The following DPP6 variants were observed in gnomAD, a reference collection of about 807,000 sequenced individuals.
DPP6 encodes the protein A-type potassium channel modulatory protein DPP6.
Under a neutral mutation model 122.6 loss-of-function variants are expected in DPP6, and 69 were observed. That is an observed-to-expected ratio of 0.56 (90% CI 0.46 to 0.69). The LOEUF (loss-of-function observed/expected upper bound fraction) is 0.69. DPP6 is among the 30% of genes least tolerant of loss of function. DPP6 has a pLI of 0.00. For missense variants in DPP6, 928 were observed against 1,116.9 expected (o/e 0.83, Z 2.41); for synonymous variants, 418 against 433.1 (o/e 0.97, Z 0.43).
intron 8 of DPP6, among the ~76,000 whole-genome samples, chr7:154,754,327 T>A (rs1843552683): frequency 6.6e-6 from 1 of 152,192 alleles, no homozygotes; most frequent in Admixed American, 6.5e-5. Flanking sequence ...GGCGAAAAAA[T>A]TCTAACTTTC....
intron 1 of DPP6, among the ~76,000 whole-genome samples, chr7:154,238,212 T>A (rs1801345347): frequency 6.6e-6 from 1 of 152,226 alleles, no homozygotes; most frequent in Non-Finnish European, 1.5e-5. Flanking sequence ...TAAATAACAT[T>A]TTCATTTGCT....
chr7:154,147,476 TCC>T (rs1796157867), intron 1 of DPP6, among the ~76,000 whole-genome samples: 3 of 140,748 alleles, frequency 2.1e-5, no homozygotes, highest in African/African-American at 9.3e-5. Flanking sequence ...CTTCCTTCCT[TCC>T]TTCCTTCCTT....
intron 1 of DPP6, among the ~76,000 whole-genome samples, chr7:154,082,846 C>CATTCTT: frequency 9.4e-6 from 1 of 106,256 alleles, no homozygotes; most frequent in South Asian, 3.3e-4. Context: ...TTTTCTTTTT[C>CATTCTT]TTTTTTTTTT....
chr7:154,315,068 G>C (rs750492694), intron 1 of DPP6, among the ~76,000 whole-genome samples: 1 of 152,162 alleles, frequency 6.6e-6, no homozygotes, highest in African/African-American at 2.4e-5. Flanking sequence ...GTTATTTAAT[G>C]AGTTGCTTTT....
At chr7:154,802,799 T>C (rs549378018) in intron 13 of DPP6, among the ~76,000 whole-genome samples, 1 of 146,608 alleles carries the variant, frequency 6.8e-6, no homozygotes, top group Non-Finnish European at 1.5e-5. Context: ...ATCGTGCCAC[T>C]GCACTCCAGC....
In DPP6 at chr7:154,669,352, AT is replaced by A. The variant is rs1202046702; in HGVS notation, c.681-4del. The A allele has an allele frequency of 1.3e-6, 2 of 1,552,802 alleles. No homozygotes were observed. The highest frequency in any genetic ancestry group is 2.7e-5 in the African/African-American group (2 of 73,108). On this transcript the variant is annotated splice_region_variant and splice_polypyrimidine_tract_variant and intron_variant, in intron 6 of 25. Coordinates refer to ENST00000377770, the MANE Select transcript of DPP6 (RefSeq NM_130797.4). ...TGCTTTGTTTTTGTTTGTTTGTTCA[AT>A]TTTCAGGGATCCTCAAAGTCTGGAC...
the DPP6 span, among the ~76,000 whole-genome samples, chr7:153,812,660 C>G: frequency 2.5e-3 from 379 of 152,262 alleles, no homozygotes; most frequent in African/African-American, 8.8e-3. Context: ...AACCAGAAAG[C>G]CTGATTCAAC....
At chr7:154,737,153 A>G (rs1273400979) in intron 8 of DPP6, among the ~76,000 whole-genome samples, 4 of 152,238 alleles carry the variant, frequency 2.6e-5, no homozygotes, top group African/African-American at 9.6e-5. Flanking sequence ...GAATAGCAGT[A>G]TCTAAGTTTC....
At chr7:154,635,456 G>A (rs1157000205) in intron 5 of DPP6, among the ~76,000 whole-genome samples, 1 of 152,200 alleles carries the variant, frequency 6.6e-6, no homozygotes, top group East Asian at 1.9e-4. Flanking sequence ...GAAGTTGCTG[G>A]AAGTTTACAA....
At chr7:154,633,516 G>A (rs915092697) in intron 5 of DPP6, among the ~76,000 whole-genome samples, 20 of 152,186 alleles carry the variant, frequency 1.3e-4, no homozygotes, top group Non-Finnish European at 2.4e-4. Context: ...GATTACAGGC[G>A]TGAGCCACCA....
chr7:153,934,713 CA>C (rs1801345956), intron 1 of DPP6, among the ~76,000 whole-genome samples: 1 of 152,130 alleles, frequency 6.6e-6, no homozygotes, highest in Non-Finnish European at 1.5e-5. Context: ...TTTCTAGGAC[CA>C]CAGAGACAGC....
At chr7:154,204,783 T>TTGTGTGTGTGTG (rs71182884) in intron 1 of DPP6, among the ~76,000 whole-genome samples, 1 of 150,868 alleles carries the variant, frequency 6.6e-6, no homozygotes, top group Admixed American at 6.6e-5. Context: ...CTTGATGACC[T>TTGTGTGTGTGTG]TGTGTGTGTG....
intron 1 of DPP6, among the ~76,000 whole-genome samples, chr7:154,243,865 C>T (rs779559210): frequency 4.0e-5 from 6 of 151,516 alleles, no homozygotes; most frequent in Non-Finnish European, 5.9e-5. Context: ...AATTATTTGA[C>T]CTGAAAAGCA....
At chr7:154,872,735 G>A in intron 19 of DPP6, 42 bp downstream of exon 19, 3 of 1,566,804 alleles carry the variant, frequency 1.9e-6, no homozygotes, top group South Asian at 1.2e-5. Flanking sequence ...GCTCGTTCTG[G>A]GGCTCCGTGA....
intron 8 of DPP6, among the ~76,000 whole-genome samples, chr7:154,756,590 G>C (rs1239602321): frequency 6.6e-6 from 1 of 152,032 alleles, no homozygotes; most frequent in Non-Finnish European, 1.5e-5. Context: ...TTTCAGCCTC[G>C]AAAGTCTAGC....
chr7:153,971,108 G>A (rs978016041), intron 1 of DPP6, among the ~76,000 whole-genome samples: 16 of 152,048 alleles, frequency 1.1e-4, no homozygotes, highest in African/African-American at 3.9e-4. Flanking sequence ...GTATTTGCGT[G>A]TAGATCTCTT....
intron 1 of DPP6, among the ~76,000 whole-genome samples, chr7:154,297,450 AC>A (rs1322380191): frequency 6.6e-6 from 1 of 152,166 alleles, no homozygotes; most frequent in Non-Finnish European, 1.5e-5. Context: ...CACTTGCTAC[AC>A]CTGGAAATCA....
In DPP6 at chr7:154,745,348, A is replaced by G. The variant is rs116615301; in HGVS notation, c.883+17461A>G. On this transcript the variant is annotated intron_variant, in intron 8 of 25. Transcript: ENST00000377770. ...CTGAGCCTCAAAATTCTCCTTTATA[A>G]CAAATAATGTAAGCAGATCCACAGT... is the stretch of plus-strand genomic sequence containing the variant. Among the ~76,000 whole-genome samples, 284 of 152,336 alleles carry G rather than the reference A, an allele frequency of 1.9e-3. 3 individuals carry two copies. Among genetic ancestry groups the G allele is most frequent in the African/African-American group, 6.3e-3 (261 of 41,568 alleles).
At chr7:154,450,631 G>T (rs2151297169) in intron 2 of DPP6, among the ~76,000 whole-genome samples, 1 of 152,292 alleles carries the variant, frequency 6.6e-6, no homozygotes, top group Middle Eastern at 3.4e-3. Context: ...CAGTTGCCTG[G>T]AACAATCAGG....
Sources: allele counts gnomAD v4.1 joint callset (sites outside exome capture counted in the v4.1 genomes callset), GRCh38; gene constraint gnomAD v4.1.1; transcripts MANE v1.5; gene names NCBI Gene and HGNC (gene_info 2026-07-23, HGNC 2026-07-21).